ZNF25: variants seen among roughly 807,000 people sequenced by gnomAD.
ZNF25 encodes the protein zinc finger protein 25.
ZNF25 carries 21 observed loss-of-function variants against 30.9 expected under a neutral mutation model. That is an observed-to-expected ratio of 0.68 (90% CI 0.48 to 0.98). The LOEUF (loss-of-function observed/expected upper bound fraction) is 0.98, where lower values mean the gene tolerates loss of function less well. ZNF25 is among the 50% of genes least tolerant of loss of function. The pLI is 0.00. For missense variants in ZNF25, 501 were observed against 529.9 expected (o/e 0.95, Z 0.54); for synonymous variants, 169 against 181.3 (o/e 0.93, Z 0.55).
Position 37,950,771 on chromosome 10 carries a change from C to T in ZNF25, c.*1356G>A, listed in dbSNP as rs1420661016. On this transcript the variant is annotated 3_prime_UTR_variant, in exon 6 of 6. Transcript: ENST00000302609. ...CACAGAGATATTAAGTAGCATGCCC[C>T]ATGCTGGAATCGGGGCCCAGGCAGC... The T allele has an allele frequency of 6.6e-6, 1 of 152,086 alleles. No individual in the cohort carries two copies. Among genetic ancestry groups the T allele is most frequent in the South Asian group, 2.1e-4 (1 of 4,826 alleles). The allele number at this position is 152,086 out of a possible 1,614,324, so 9.4% of individuals were successfully genotyped here.
intron 2 of ZNF25, among the ~76,000 whole-genome samples, chr10:37,960,639 A>AAC (rs2062818554): frequency 6.7e-6 from 1 of 150,200 alleles, no homozygotes; most frequent in Non-Finnish European, 1.5e-5. Flanking sequence ...AAAAAAAAAA[A>AAC]AAAAACAAAG....
rs147587601 is a variant in ZNF25, at chr10:37,952,721, C to T, written c.777G>A (p.Glu259=). 2 of 1,600,736 alleles carry T rather than the reference C, an allele frequency of 1.2e-6. No homozygotes were observed. Among genetic ancestry groups the T allele is most frequent in the African/African-American group, 2.8e-5 (2 of 70,402 alleles). The change falls in exon 6 of 6, where the codon GAG becomes GAA. Residue 259 remains glutamate, a synonymous_variant. Coordinates refer to ENST00000302609, the MANE Select transcript of ZNF25 (RefSeq NM_145011.4). ...AAAAGGCTTTCCCACACTCCTTACA[C>T]TCATAGGGTTTCTCCCCTGTGTGTG... ...QKTHTGEKPY[E]CKECGKAFSQ...
intron 2 of ZNF25, among the ~76,000 whole-genome samples, chr10:37,963,908 G>C (rs1242063531): frequency 6.6e-6 from 1 of 152,188 alleles, no homozygotes; most frequent in Non-Finnish European, 1.5e-5. Flanking sequence ...CTGGGAGGCA[G>C]AGGTTGCCGT....
chr10:37,952,306 A>G lies in ZNF25; in HGVS notation c.1192T>C (p.Tyr398His), dbSNP rs142439322. Residue 398 changes from tyrosine (Y) to histidine (H), a missense_variant, in exon 6 of 6, where the codon TAT (tyrosine) becomes CAT (histidine). Transcript: ENST00000302609. ...GACTTCCCACATTCCTTGCATGCAT[A>G]GGGCTTCTCTCCTGTGTGAGTCCTT... is the stretch of plus-strand genomic sequence containing the variant. ...HQRTHTGEKP[Y>H]ACKECGKSFS... 7.9e-5 allele frequency: 127 copies of G among 1,613,724 alleles called. 1 individual carries two copies. The highest frequency in any genetic ancestry group is 1.7e-4 in the African/African-American group (13 of 74,942).
At position 37,953,765 on chromosome 10, in the gene ZNF25, G is replaced by A. The variant is rs2062339985; in HGVS notation, c.239-7C>T. The A allele has an allele frequency of 1.2e-6, 2 of 1,612,118 alleles. No homozygotes were observed. The highest frequency in any genetic ancestry group is 1.7e-5 in the Admixed American group (1 of 59,928). ...TGAATGCTCCATAGGTCTTCTACAA[G>A]GGAACCAAAAATGTAATACTTTATA... On this transcript the variant is annotated splice_region_variant and splice_polypyrimidine_tract_variant and intron_variant, in intron 4 of 5. Transcript: ENST00000302609.
At position 37,950,884 on chromosome 10, in the gene ZNF25, T is replaced by C. The variant is rs1477920110; in HGVS notation, c.*1243A>G. ...TGAAGAACATTTAGGACTCTCACAC[T>C]AAATACAAATGCAGATAGCTCTGCT... On this transcript the variant is annotated 3_prime_UTR_variant, in exon 6 of 6. Transcript: ENST00000302609. 1.3e-5 allele frequency: 2 copies of C among 152,196 alleles called. No individual in the cohort carries two copies. Among genetic ancestry groups the C allele is most frequent in the African/African-American group, 4.8e-5 (2 of 41,452 alleles). The allele number at this position is 152,196 out of a possible 1,614,324, so 9.4% of individuals were successfully genotyped here.
At chr10:37,954,788 G>A (rs1387504529) in intron 4 of ZNF25, among the ~76,000 whole-genome samples, 2 of 152,154 alleles carry the variant, frequency 1.3e-5, no homozygotes, top group African/African-American at 4.8e-5. Flanking sequence ...TCATAGCAAT[G>A]GTGGGGAATA....
intron 2 of ZNF25, among the ~76,000 whole-genome samples, chr10:37,965,988 A>G (rs2063158373): frequency 6.6e-6 from 1 of 152,206 alleles, no homozygotes; most frequent in Non-Finnish European, 1.5e-5. Context: ...GTTAATTGTA[A>G]TACTAAGAGT....
chr10:37,952,853 TG>T lies in ZNF25; in HGVS notation c.644del (p.Pro215HisfsTer27). The T allele has an allele frequency of 6.2e-7, 1 of 1,614,168 alleles. No individual in the cohort carries two copies. The highest frequency in any genetic ancestry group is 8.5e-7 in the Non-Finnish European group (1 of 1,180,018). ...NQCEKSFYQK[P>X]HLTEHQKTHT... ...GTGTTTTCTGATGTTCTGTGAGATG[TG>T]GTTTCTGGTAGAAGGATTTTTCACA... On this transcript the variant is annotated frameshift_variant, in exon 6 of 6. Coordinates refer to ENST00000302609, the MANE Select transcript of ZNF25 (RefSeq NM_145011.4). LOFTEE classifies it high-confidence loss of function.
intron 2 of ZNF25, among the ~76,000 whole-genome samples, chr10:37,971,041 C>T (rs546256239): frequency 4.6e-5 from 7 of 152,246 alleles, no homozygotes; most frequent in South Asian, 4.1e-4. Context: ...TGTGGCCTGG[C>T]GCAGTAGCTC....
At chr10:37,957,380 G>A (rs751882079) in intron 3 of ZNF25, 40 bp downstream of exon 3, 2 of 1,594,172 alleles carry the variant, frequency 1.3e-6, no homozygotes, top group South Asian at 2.3e-5. Flanking sequence ...GAAGATAGAT[G>A]CAAACTACTG....
rs1389524498 is a variant in ZNF25, at chr10:37,949,899, G to A, written c.*2228C>T. ...ACAATGTTTATTTCATATGTTTACT[G>A]CTACATTCCATCAAGAAATTTCTTG... On this transcript the variant is annotated 3_prime_UTR_variant, in exon 6 of 6. Coordinates refer to ENST00000302609, the MANE Select transcript of ZNF25 (RefSeq NM_145011.4). 3 of 152,558 alleles carry A rather than the reference G, an allele frequency of 2.0e-5. No homozygotes were observed. The East Asian group carries it at 5.8e-4, about 29-fold the overall frequency. The allele number at this position is 152,558 out of a possible 1,614,324, so 9.5% of individuals were successfully genotyped here. A position where few individuals can be genotyped will look rare whatever the true frequency, so the allele number is the denominator to read the frequency against.
intron 2 of ZNF25, among the ~76,000 whole-genome samples, chr10:37,970,490 T>C (rs2063427161): frequency 6.6e-6 from 1 of 152,194 alleles, no homozygotes; most frequent in Non-Finnish European, 1.5e-5. Flanking sequence ...ATAAAAGGCA[T>C]TTATATAAAA....
intron 2 of ZNF25, among the ~76,000 whole-genome samples, chr10:37,969,145 T>C (rs2063347358): frequency 6.6e-6 from 1 of 152,118 alleles, no homozygotes; most frequent in Non-Finnish European, 1.5e-5. Flanking sequence ...TGGGGGTATA[T>C]GGAGAAACTG....
chr10:37,962,227 CGAG>C (rs1246686953), intron 2 of ZNF25, among the ~76,000 whole-genome samples: 3 of 144,622 alleles, frequency 2.1e-5, no homozygotes, highest in African/African-American at 7.8e-5. Flanking sequence ...GGCGAGAGAG[CGAG>C]ACTTCCATCT....
chr10:37,974,090 C>T (rs930341735), intron 1 of ZNF25, among the ~76,000 whole-genome samples: 4 of 152,122 alleles, frequency 2.6e-5, no homozygotes, highest in Non-Finnish European at 2.9e-5. Context: ...AAGAATGAAA[C>T]TAAACCCCTG....
chr10:37,963,747 G>C (rs1050404353), intron 2 of ZNF25, among the ~76,000 whole-genome samples: 6 of 152,198 alleles, frequency 3.9e-5, no homozygotes, highest in African/African-American at 1.4e-4. Context: ...GGCCAAAGCA[G>C]GTGGATAACC....
intron 2 of ZNF25, 110 bp from the exon 3 acceptor site, chr10:37,957,656 G>C: frequency 8.0e-7 from 1 of 1,246,504 alleles, no homozygotes; most frequent in South Asian, 2.0e-5. Context: ...TCATTCTGGA[G>C]AGTTAGGATA....
At chr10:37,966,421 A>G (rs1032204351) in intron 2 of ZNF25, among the ~76,000 whole-genome samples, 2 of 151,914 alleles carry the variant, frequency 1.3e-5, no homozygotes, top group Non-Finnish European at 2.9e-5. Flanking sequence ...CTCAATTAAA[A>G]AAAAAAAAAA....
Sources: gnomAD v4.1 joint callset for allele counts (sites outside exome capture counted in the v4.1 genomes callset) on GRCh38, gnomAD v4.1.1 for gene constraint, MANE v1.5 for transcripts, NCBI Gene and HGNC (gene_info 2026-07-23, HGNC 2026-07-21) for gene names.